NKAIN2: variants seen among roughly 807,000 people sequenced by gnomAD.
NKAIN2 encodes sodium/potassium-transporting ATPase subunit beta-1-interacting protein 2.
A neutral mutation model predicts 32.6 loss-of-function variants in NKAIN2; 14 were observed. That is an observed-to-expected ratio of 0.43 (90% confidence interval 0.28 to 0.67). NKAIN2 has a LOEUF of 0.67. Ranked by LOEUF, NKAIN2 falls within the 30% of genes least tolerant of loss-of-function variation. The pLI is 0.17. For missense variants in NKAIN2, 198 were observed against 258.3 expected (o/e 0.77, Z 1.60); for synonymous variants, 80 against 87.2 (o/e 0.92, Z 0.46).
At chr6:124,299,758 AT>A (rs1796223110) in intron 2 of NKAIN2, among the ~76,000 whole-genome samples, 1 of 152,226 alleles carries the variant, frequency 6.6e-6, no homozygotes, top group Admixed American at 6.5e-5. Context: ...ACAAAAGTTA[AT>A]TAGACTGAAT....
chr6:123,966,403 T>C (rs1248075617), intron 1 of NKAIN2, among the ~76,000 whole-genome samples: 1 of 152,178 alleles, frequency 6.6e-6, no homozygotes, highest in Non-Finnish European at 1.5e-5. Context: ...TAAGAGCCAA[T>C]TGCCAATTAT....
chr6:123,923,180 G>A (rs1418030304), intron 1 of NKAIN2, among the ~76,000 whole-genome samples: 1 of 151,976 alleles, frequency 6.6e-6, no homozygotes, highest in African/African-American at 2.4e-5. Flanking sequence ...CATGTAAATA[G>A]CCATGGTAAT....
intron 3 of NKAIN2, among the ~76,000 whole-genome samples, chr6:124,555,596 A>G (rs1048772239): frequency 6.6e-6 from 1 of 152,202 alleles, no homozygotes; most frequent in Non-Finnish European, 1.5e-5. Context: ...CCTGTTTTGT[A>G]TACCCAACTC....
intron 3 of NKAIN2, among the ~76,000 whole-genome samples, chr6:124,611,799 A>T (rs754790661): frequency 2.6e-5 from 4 of 152,338 alleles, no homozygotes; most frequent in African/African-American, 9.6e-5. Context: ...AGTCTTTGCT[A>T]AGATCGCTTA....
intron 2 of NKAIN2, among the ~76,000 whole-genome samples, chr6:124,306,964 G>T (rs961541287): frequency 2.0e-5 from 3 of 152,156 alleles, no homozygotes; most frequent in Admixed American, 1.3e-4. Flanking sequence ...GATTATTAGT[G>T]TTGCAACTTG....
At chr6:123,897,913 G>C (rs573097888) in intron 1 of NKAIN2, among the ~76,000 whole-genome samples, 3 of 152,286 alleles carry the variant, frequency 2.0e-5, no homozygotes, top group South Asian at 4.2e-4. Flanking sequence ...AATGTATTTT[G>C]TGAAGAGCTT....
chr6:124,437,643 T>TC (rs767875328), intron 3 of NKAIN2, among the ~76,000 whole-genome samples: 13 of 152,070 alleles, frequency 8.5e-5, no homozygotes, highest in Non-Finnish European at 1.6e-4. Flanking sequence ...AAGCTGTTCC[T>TC]CCCCATAAAG....
chr6:123,847,025 A>T (rs372018471), intron 1 of NKAIN2, among the ~76,000 whole-genome samples: 2 of 152,234 alleles, frequency 1.3e-5, no homozygotes, highest in African/African-American at 4.8e-5. Context: ...CTAGGAATAC[A>T]TTCTTTATTT....
chr6:124,356,762 C>T (rs1799002303), intron 3 of NKAIN2, among the ~76,000 whole-genome samples: 1 of 152,040 alleles, frequency 6.6e-6, no homozygotes, highest in Admixed American at 6.6e-5. Flanking sequence ...AATTCCTTGC[C>T]CAATTTATAC....
chr6:124,358,364 A>G (rs1799094473), intron 3 of NKAIN2, among the ~76,000 whole-genome samples: 1 of 152,084 alleles, frequency 6.6e-6, no homozygotes, highest in South Asian at 2.1e-4. Context: ...GACTTCCACA[A>G]TGGTTGAACT....
At chr6:124,074,947 G>A (rs1442106810) in intron 1 of NKAIN2, among the ~76,000 whole-genome samples, 1 of 152,132 alleles carries the variant, frequency 6.6e-6, no homozygotes, top group Admixed American at 6.6e-5. Flanking sequence ...TTTTATTCAT[G>A]AGCCTAGCAT....
intron 1 of NKAIN2, among the ~76,000 whole-genome samples, chr6:123,841,301 A>G (rs142413973): frequency 3.2e-4 from 49 of 152,312 alleles, no homozygotes; most frequent in East Asian, 1.5e-3. Context: ...TCTTAATTCA[A>G]TTATCTTGGA....
At chr6:124,580,339 T>C (rs1180053986) in intron 3 of NKAIN2, among the ~76,000 whole-genome samples, 1 of 152,072 alleles carries the variant, frequency 6.6e-6, no homozygotes. Flanking sequence ...CAACAAAAAA[T>C]TAAAATGTGG....
intron 1 of NKAIN2, among the ~76,000 whole-genome samples, chr6:123,929,774 A>T (rs1466555566): frequency 3.3e-5 from 5 of 152,034 alleles, no homozygotes; most frequent in Non-Finnish European, 5.9e-5. Context: ...GACCAGAAGT[A>T]TTTCAGATTT....
At chr6:124,241,039 CAA>C (rs1300812740) in intron 1 of NKAIN2, among the ~76,000 whole-genome samples, 2 of 152,172 alleles carry the variant, frequency 1.3e-5, no homozygotes, top group African/African-American at 4.8e-5. Flanking sequence ...GCAGCTTCAG[CAA>C]AGTCTCAGGA....
chr6:124,479,576 A>G (rs1777364502), intron 3 of NKAIN2, among the ~76,000 whole-genome samples: 1 of 152,318 alleles, frequency 6.6e-6, no homozygotes, highest in Non-Finnish European at 1.5e-5. Flanking sequence ...AAATGTAAGA[A>G]TGAAAGCTGT....
chr6:123,879,949 C>T (rs2114322149), intron 1 of NKAIN2, among the ~76,000 whole-genome samples: 1 of 152,282 alleles, frequency 6.6e-6, no homozygotes, highest in East Asian at 1.9e-4. Flanking sequence ...CATGTTCTCC[C>T]TGGTGTCTTG....
In NKAIN2 at chr6:124,265,571, G is replaced by A. The variant is rs560745901; in HGVS notation, c.55-17434G>A. On this transcript the variant is annotated intron_variant, in intron 1 of 6. Coordinates refer to ENST00000368417, the MANE Select transcript of NKAIN2 (RefSeq NM_001040214.3). ...CAGAAGGGAGTTTAGGCAATTTTAT[G>A]TGCCTTTTATCAAAAAGCCCAGAGT... is the stretch of plus-strand genomic sequence containing the variant. Among the ~76,000 whole-genome samples the A allele has an allele frequency of 8.5e-5, 13 of 152,226 alleles. No homozygotes were observed. In the South Asian group the frequency reaches 2.1e-3, roughly 24 times the overall value.
intron 3 of NKAIN2, among the ~76,000 whole-genome samples, chr6:124,439,991 G>A (rs592322): frequency 0.22 from 32,909 of 151,894 alleles, 3,745 homozygotes; most frequent in African/African-American, 0.28. Flanking sequence ...GCAAATTTGG[G>A]TAGAGAACTA....
Sources: gnomAD v4.1 joint callset for allele counts (sites outside exome capture counted in the v4.1 genomes callset) on GRCh38, gnomAD v4.1.1 for gene constraint, MANE v1.5 for transcripts, NCBI Gene and HGNC (gene_info 2026-07-23, HGNC 2026-07-21) for gene names.